Variants in ITPKB observed in about 807,000 individuals in gnomAD.
The protein encoded by ITPKB is IP3 3-kinase B.
A neutral mutation model predicts 69.4 loss-of-function variants in ITPKB; 13 were observed. The ratio of observed to expected loss-of-function variants is 0.19; its 90% CI spans 0.12 to 0.30. ITPKB has a LOEUF of 0.30. ITPKB is among the 10% of genes least tolerant of loss of function. The pLI, the probability that ITPKB is intolerant of heterozygous loss-of-function variation, is 1.00. For synonymous variants in ITPKB, 584 were observed against 513.7 expected (o/e 1.14, Z -1.85); for missense variants, 1,240 against 1,250.5 (o/e 0.99, Z 0.13).
At chr1:226,714,364 T>A (rs1302730697) in intron 2 of ITPKB, among the ~76,000 whole-genome samples, 1 of 152,184 alleles carries the variant, frequency 6.6e-6, no homozygotes, top group African/African-American at 2.4e-5. Context: ...AATAAACCTT[T>A]CTTGTTTTCT....
intron 2 of ITPKB, among the ~76,000 whole-genome samples, chr1:226,664,513 A>G (rs1669461212): frequency 6.6e-6 from 1 of 152,242 alleles, no homozygotes; most frequent in African/African-American, 2.4e-5. Flanking sequence ...GAAGGACTCC[A>G]GACTCTCACA....
Position 226,637,757 on chromosome 1 carries a change from A to G in ITPKB, c.2554-7T>C, listed in dbSNP as rs1362630422. 6.2e-6 allele frequency: 10 copies of G among 1,611,124 alleles called. No homozygotes were observed. In the Admixed American group the frequency reaches 6.7e-5, roughly 11 times the overall value. ...GCCGGTCCCGATAGGCGATCTGGGA[A>G]TAGAAAGAGGACCAGATTTTTAAGC... On this transcript the variant is annotated splice_polypyrimidine_tract_variant and splice_region_variant and intron_variant, in intron 6 of 7. Coordinates refer to ENST00000429204, the MANE Select transcript of ITPKB (RefSeq NM_002221.4). The surrounding 1 kb of genome is among the most constrained non-coding windows in gnomAD (Gnocchi z 4.3).
At chr1:226,654,715 C>T (rs1669256544) in intron 2 of ITPKB, among the ~76,000 whole-genome samples, 1 of 152,224 alleles carries the variant, frequency 6.6e-6, no homozygotes, top group Non-Finnish European at 1.5e-5. Context: ...TCCCAACCCT[C>T]CCGTGATGCT....
chr1:226,636,908 TATG>T (rs1287050158), intron 7 of ITPKB, among the ~76,000 whole-genome samples: 2 of 152,138 alleles, frequency 1.3e-5, no homozygotes, highest in Admixed American at 1.3e-4. Context: ...TAATGTGCTG[TATG>T]AATGTGTGTG....
At position 226,648,706 on chromosome 1, in the gene ITPKB, C is replaced by A. The variant is rs1669111288; in HGVS notation, c.1998G>T (p.Lys666Asn). Residue 666 changes from lysine to asparagine, a missense_variant, in exon 3 of 8, where the codon AAG becomes AAT. Lys to Asn is a moderately conservative substitution (Grantham distance 94). Around this residue, in one of 2 missense-constraint regions of ITPKB, gnomAD observed 248 missense variants for 396.7 expected, o/e 0.63. Transcript: ENST00000429204. ...HWSPFVMSFK[K>N]KYPWIQLAGH... ...CTGCCAGCTGGATCCAGGGGTACTT[C>A]TTCTTGAAGGACATGACGAAGGGAG... 1 of 1,613,068 alleles carries A rather than the reference C, an allele frequency of 6.2e-7. No homozygotes were observed. The highest frequency in any genetic ancestry group is 1.3e-5 in the African/African-American group (1 of 75,012).
chr1:226,707,681 T>C (rs777089201), intron 2 of ITPKB: 6 of 1,028,242 alleles, frequency 5.8e-6, no homozygotes, highest in Non-Finnish European at 7.1e-6. Context: ...AGAGTCCCTC[T>C]TGAAAACTAA....
At chr1:226,721,348 C>CAAAAAAAAAAAA (rs11353595) in intron 2 of ITPKB, among the ~76,000 whole-genome samples, 1 of 64,660 alleles carries the variant, frequency 1.5e-5, no homozygotes. Context: ...AACTCTGTCT[C>CAAAAAAAAAAAA]AAAAAAAAAA....
At chr1:226,679,813 C>T (rs1347892790) in intron 2 of ITPKB, among the ~76,000 whole-genome samples, 1 of 152,164 alleles carries the variant, frequency 6.6e-6, no homozygotes, top group African/African-American at 2.4e-5. Flanking sequence ...AAGGTTATTG[C>T]TCTAAATTCG....
chr1:226,707,990 T>G, intron 2 of ITPKB: 1 of 904,226 alleles, frequency 1.1e-6, no homozygotes, highest in Non-Finnish European at 1.5e-6. Context: ...CAACAAAATA[T>G]GGAAACTACC....
intron 2 of ITPKB, among the ~76,000 whole-genome samples, chr1:226,700,481 A>C (rs1240661679): frequency 3.3e-5 from 5 of 150,682 alleles, no homozygotes; most frequent in East Asian, 3.9e-4. Flanking sequence ...AAAAAAAAAA[A>C]AAAAAAAAAA....
chr1:226,648,816 C>T (rs747460444), intron 2 of ITPKB, 45 bp from the exon 3 acceptor site: 2 of 1,300,220 alleles, frequency 1.5e-6, no homozygotes, highest in African/African-American at 1.4e-5. Context: ...AAGACAACCA[C>T]TAATTTCTGG....
At chr1:226,677,899 A>T (rs1031206078) in intron 2 of ITPKB, among the ~76,000 whole-genome samples, 3 of 152,226 alleles carry the variant, frequency 2.0e-5, no homozygotes, top group African/African-American at 4.8e-5. Context: ...TGAGAGGGAC[A>T]GGACTGAAGG....
chr1:226,681,134 T>C (rs1394573716), intron 2 of ITPKB, among the ~76,000 whole-genome samples: 2 of 152,190 alleles, frequency 1.3e-5, no homozygotes, highest in Non-Finnish European at 2.9e-5. Flanking sequence ...CTTCTCACCA[T>C]GTCAAACCCA....
At chr1:226,650,986 G>T (rs1303265298) in intron 2 of ITPKB, among the ~76,000 whole-genome samples, 1 of 152,220 alleles carries the variant, frequency 6.6e-6, no homozygotes, top group Admixed American at 6.5e-5. Context: ...GCTGCAGCGT[G>T]CCAGTTTATA....
Position 226,633,194 on chromosome 1 carries a change from T to C in ITPKB, c.*1477A>G, listed in dbSNP as rs1288131742. On this transcript the variant is annotated 3_prime_UTR_variant, in exon 8 of 8. Coordinates refer to ENST00000429204, the MANE Select transcript of ITPKB (RefSeq NM_002221.4). ...CACACTTCCAGCACAAAAGGGGAAA[T>C]GTACATGTCCCGTGGGCAGGTTGAC... 1 of 152,162 alleles carries C rather than the reference T, an allele frequency of 6.6e-6. No homozygotes were observed. Among genetic ancestry groups the C allele is most frequent in the Non-Finnish European group, 1.5e-5 (1 of 68,030 alleles). The allele number at this position is 152,162 out of a possible 1,614,324, so 9.4% of individuals were successfully genotyped here.
chr1:226,715,518 T>A (rs1434328057), intron 2 of ITPKB, among the ~76,000 whole-genome samples: 2 of 152,250 alleles, frequency 1.3e-5, no homozygotes, highest in Non-Finnish European at 2.9e-5. Context: ...TCACGGAAAT[T>A]AAATTTTATA....
At chr1:226,647,107 T>G in intron 4 of ITPKB, 60 bp downstream of exon 4, 1 of 1,510,898 alleles carries the variant, frequency 6.6e-7, no homozygotes, top group Non-Finnish European at 9.2e-7. Context: ...TGCCACGCTG[T>G]GCACCTGCCA....
chr1:226,635,693 A>G (rs1668822860), intron 7 of ITPKB, among the ~76,000 whole-genome samples: 2 of 152,192 alleles, frequency 1.3e-5, no homozygotes, highest in African/African-American at 2.4e-5. Flanking sequence ...CCTGTTTCAA[A>G]TGCACACAGC....
intron 2 of ITPKB, among the ~76,000 whole-genome samples, chr1:226,711,419 G>A (rs980500067): frequency 8.6e-6 from 1 of 116,032 alleles, no homozygotes; most frequent in African/African-American, 3.4e-5. Flanking sequence ...GAGAGAGAGA[G>A]AGAGAGAGAG....
Sources: allele counts gnomAD v4.1 joint callset (sites outside exome capture counted in the v4.1 genomes callset), GRCh38; gene constraint gnomAD v4.1.1; regional missense constraint gnomAD v4.1.1; non-coding constraint Gnocchi (gnomAD v3.1); transcripts MANE v1.5; gene names NCBI Gene and HGNC (gene_info 2026-07-23, HGNC 2026-07-21).